KCNQ1: variants seen among roughly 807,000 people sequenced by gnomAD.
The protein encoded by KCNQ1 is potassium voltage-gated channel subfamily Q member 1, also known as potassium voltage-gated channel subfamily KQT member 1.
Under a neutral mutation model 72.4 loss-of-function variants are expected in KCNQ1, and 49 were observed. The observed-to-expected ratio is 0.68, with a 90% CI of 0.54 to 0.86. The LOEUF is 0.86. Ranked by LOEUF, KCNQ1 falls within the 40% of genes least tolerant of loss-of-function variation. KCNQ1 has a pLI of 0.00. For synonymous variants in KCNQ1, 450 were observed against 412.6 expected (o/e 1.09, Z -1.10); for missense variants, 790 against 945.1 (o/e 0.84, Z 2.15).
intron 1 of KCNQ1, chr11:2,461,450 C>G: frequency 1.6e-6 from 2 of 1,286,234 alleles, no homozygotes; most frequent in Non-Finnish European, 2.0e-6. Context: ...TCCCTTCCTC[C>G]CCTGCAGCTT....
intron 11 of KCNQ1, among the ~76,000 whole-genome samples, chr11:2,700,738 C>T (rs1850793416): frequency 1.3e-5 from 2 of 152,088 alleles, no homozygotes; most frequent in African/African-American, 2.4e-5. Context: ...GGGCGCCCCG[C>T]GCCTGCCAGC....
intron 1 of KCNQ1, among the ~76,000 whole-genome samples, chr11:2,522,750 G>C (rs1458920227): frequency 6.6e-6 from 1 of 152,242 alleles, no homozygotes; most frequent in Non-Finnish European, 1.5e-5. Flanking sequence ...GCCTGCGGGG[G>C]AACGTTCCTC....
intron 10 of KCNQ1, chr11:2,648,006 G>A (rs1849692585): frequency 2.5e-6 from 1 of 396,690 alleles, no homozygotes; most frequent in East Asian, 3.6e-5. Context: ...TTGAGTCCAG[G>A]AGTTTGAGAC....
In KCNQ1 at chr11:2,652,977, C is replaced by T; in HGVS notation, c.1394-8984C>T. Reference sequence around the variant, plus strand: ...TCAGGATTCCGGAAGTCATCTTTGACTGTGTCACATCACTGTCATGCTTGA... The same window carrying T: ...TCAGGATTCCGGAAGTCATCTTTGATTGTGTCACATCACTGTCATGCTTGA... On this transcript the variant is annotated intron_variant, in intron 10 of 15. Transcript: ENST00000155840. The surrounding 1 kb of genome is among the most constrained non-coding windows in gnomAD (Gnocchi z 5.9). 2.5e-6 allele frequency: 1 copy of T among 398,702 alleles called. No individual in the cohort carries two copies. The highest frequency in any genetic ancestry group is 4.4e-5 in the Admixed American group (1 of 22,744). 24.7% of individuals were successfully genotyped at this position (398,702 alleles called of 1,614,324 possible). A position where few individuals can be genotyped will look rare whatever the true frequency, so the allele number is the denominator to read the frequency against.
At chr11:2,843,632 C>T (rs1848256921) in intron 15 of KCNQ1, among the ~76,000 whole-genome samples, 1 of 152,262 alleles carries the variant, frequency 6.6e-6, no homozygotes, top group Non-Finnish European at 1.5e-5. Context: ...TTTGGCGGTC[C>T]TAGGCGGGGA....
In KCNQ1 at chr11:2,785,290, A is replaced by T. The variant is rs1846890554; in HGVS notation, c.1794+7253A>T. 1.3e-5 allele frequency among the ~76,000 whole-genome samples: 2 copies of T among 151,932 alleles called. No individual in the cohort carries two copies. Among genetic ancestry groups the T allele is most frequent in the Non-Finnish European group, 2.9e-5 (2 of 67,840 alleles). On this transcript the variant is annotated intron_variant, in intron 15 of 15. Coordinates refer to ENST00000155840, the MANE Select transcript of KCNQ1 (RefSeq NM_000218.3). The surrounding 1 kb of genome is among the most constrained non-coding windows in gnomAD (Gnocchi z 4.4). ...TTATTCTACTGATTTGGTATAATAC[A>T]TTAATTTTCAGGTGTTAAACCAATC... is the stretch of plus-strand genomic sequence containing the variant.
At position 2,613,739 on chromosome 11, in the gene KCNQ1, A is replaced by G. The variant is rs546345412; in HGVS notation, c.1393+24885A>G. The stretch of plus-strand genomic sequence containing the variant: ...AACATTAACATACTTCCAAAAGTCA[A>G]TACTAAACAAAAGGAGCTACTGAGA... On this transcript the variant is annotated intron_variant, in intron 10 of 15. Transcript: ENST00000155840. The surrounding 1 kb of genome is among the most constrained non-coding windows in gnomAD (Gnocchi z 4.8). 6.0e-5 allele frequency: 24 copies of G among 398,504 alleles called. No individual in the cohort carries two copies. The East Asian group carries it at 7.8e-4, about 13-fold the overall frequency. 24.7% of individuals were successfully genotyped at this position (398,504 alleles called of 1,614,324 possible).
At chr11:2,672,884 G>A in intron 11 of KCNQ1, 1 of 398,738 alleles carries the variant, frequency 2.5e-6, no homozygotes, top group Non-Finnish European at 4.4e-6. Context: ...CTGACTGTCA[G>A]GGGAGCAGTA....
chr11:2,651,223 C>G lies in KCNQ1; in HGVS notation c.1394-10738C>G. The G allele has an allele frequency of 2.5e-6, 1 of 398,642 alleles. No individual in the cohort carries two copies. The highest frequency in any genetic ancestry group is 4.4e-6 in the Non-Finnish European group (1 of 226,084). 24.7% of individuals were successfully genotyped at this position (398,642 alleles called of 1,614,324 possible). ...CTGTCACCCTGTCTTGTGTCAGTCTCACAGCACACACAGCTTAATTCAGGA... is the reference window on the plus strand; with the variant it reads ...CTGTCACCCTGTCTTGTGTCAGTCTGACAGCACACACAGCTTAATTCAGGA... On this transcript the variant is annotated intron_variant, in intron 10 of 15. Transcript: ENST00000155840. This position sits in a 1 kb window ranked among gnomAD's most constrained non-coding sequence, Gnocchi z 6.1.
chr11:2,534,178 T>G (rs1050002549), intron 2 of KCNQ1, among the ~76,000 whole-genome samples: 1 of 152,206 alleles, frequency 6.6e-6, no homozygotes, highest in Non-Finnish European at 1.5e-5. Flanking sequence ...TGGGCCTCCG[T>G]GACGGCCCTG....
chr11:2,683,102 C>G lies in KCNQ1; in HGVS notation c.1514+21021C>G, dbSNP rs1850425385. On this transcript the variant is annotated intron_variant, in intron 11 of 15. Coordinates refer to ENST00000155840, the MANE Select transcript of KCNQ1 (RefSeq NM_000218.3). This position sits in a 1 kb window ranked among gnomAD's most constrained non-coding sequence, Gnocchi z 4.7. The stretch of plus-strand genomic sequence containing the variant: ...CCAGGAGCCTTCAGATTTTCTTGTT[C>G]CCAGGATATATCGCACCAACTCAGG... 1 of 392,976 alleles carries G rather than the reference C, an allele frequency of 2.5e-6. No individual in the cohort carries two copies. Among genetic ancestry groups the G allele is most frequent in the Non-Finnish European group, 4.4e-6 (1 of 225,494 alleles). The allele number at this position is 392,976 out of a possible 1,614,324, so 24.3% of individuals were successfully genotyped here.
At chr11:2,594,756 A>G (rs562043177) in intron 10 of KCNQ1, among the ~76,000 whole-genome samples, 12 of 152,224 alleles carry the variant, frequency 7.9e-5, no homozygotes, top group African/African-American at 2.6e-4. Flanking sequence ...AGCATCTTGT[A>G]CCTTTCTCAT....
intron 11 of KCNQ1, among the ~76,000 whole-genome samples, chr11:2,744,877 A>C (rs1590064904): frequency 6.6e-6 from 1 of 150,858 alleles, no homozygotes; most frequent in Non-Finnish European, 1.5e-5. Context: ...CCCCTTCCCC[A>C]CCTGCCCTGC....
In KCNQ1 at chr11:2,764,351, G is replaced by A. The variant is rs535791264; in HGVS notation, c.1515-4493G>A. ...TTATTCTGTTGATGTGAAGAGTGAC[G>A]CTGCTTGGTCCTTAGAGGGTAAACT... On this transcript the variant is annotated intron_variant, in intron 11 of 15. Transcript: ENST00000155840. This position sits in a 1 kb window ranked among gnomAD's most constrained non-coding sequence, Gnocchi z 4.8. Among the ~76,000 whole-genome samples the A allele has an allele frequency of 2.6e-5, 4 of 152,246 alleles. No homozygotes were observed. Among genetic ancestry groups the A allele is most frequent in the Admixed American group, 1.3e-4 (2 of 15,284 alleles).
chr11:2,734,703 A>T lies in KCNQ1; in HGVS notation c.1515-34141A>T, dbSNP rs572314740. On this transcript the variant is annotated intron_variant, in intron 11 of 15. Transcript: ENST00000155840. The surrounding 1 kb of genome is among the most constrained non-coding windows in gnomAD (Gnocchi z 7.0). ...GTCCCAGGCACATTCAGTGCCAGCC[A>T]GGGAGGTGAGAGGTAATCCTGGAAG... 3.3e-5 allele frequency among the ~76,000 whole-genome samples: 5 copies of T among 152,002 alleles called. No homozygotes were observed. The South Asian group carries it at 1.0e-3, about 32-fold the overall frequency.
At chr11:2,839,590 G>A (rs1334585654) in intron 15 of KCNQ1, 1 of 150,944 alleles carries the variant, frequency 6.6e-6, no homozygotes, top group African/African-American at 2.5e-5. Context: ...ATCCAGGAAG[G>A]CGTGCGGGCC....
intron 15 of KCNQ1, among the ~76,000 whole-genome samples, chr11:2,802,338 A>G (rs1172055507): frequency 1.3e-5 from 2 of 152,218 alleles, no homozygotes; most frequent in Admixed American, 6.5e-5. Context: ...TGGGGCCACC[A>G]GCACAGCCTC....
chr11:2,704,173 C>T lies in KCNQ1; in HGVS notation c.1514+42092C>T, dbSNP rs193107061. ...GGGTAAGGGCTCTGTGATCCTGCAA[C>T]GCCCACCTTCTTCCTTCACTGGTCA... is the stretch of plus-strand genomic sequence containing the variant. On this transcript the variant is annotated intron_variant, in intron 11 of 15. Coordinates refer to ENST00000155840, the MANE Select transcript of KCNQ1 (RefSeq NM_000218.3). This position sits in a 1 kb window ranked among gnomAD's most constrained non-coding sequence, Gnocchi z 4.3. Among the ~76,000 whole-genome samples, 70 of 152,378 alleles carry T rather than the reference C, an allele frequency of 4.6e-4. No homozygotes were observed. Among genetic ancestry groups the T allele is most frequent in the Middle Eastern group, 3.4e-3 (1 of 294 alleles).
intron 15 of KCNQ1, among the ~76,000 whole-genome samples, chr11:2,842,454 G>A (rs989168873): frequency 2.0e-5 from 3 of 152,232 alleles, no homozygotes; most frequent in Non-Finnish European, 1.5e-5. Flanking sequence ...CTCCTGTGAT[G>A]GGTTGCAGGG....
Sources: gnomAD v4.1 joint callset for allele counts (sites outside exome capture counted in the v4.1 genomes callset) on GRCh38, gnomAD v4.1.1 for gene constraint, Gnocchi (gnomAD v3.1) non-coding constraint, MANE v1.5 for transcripts, NCBI Gene and HGNC (gene_info 2026-07-23, HGNC 2026-07-21) for gene names.